The following PRLR variants were observed in gnomAD, a reference collection of about 807,000 sequenced individuals.
The protein encoded by PRLR is prolactin receptor, also known as hPRL receptor.
In PRLR, 13 loss-of-function variants were observed where a neutral mutation model predicts 40.2. The observed-to-expected ratio is 0.32, with a 90% CI of 0.21 to 0.51. PRLR has a LOEUF of 0.51. Among genes scored for constraint, PRLR ranks in the 20% least tolerant of loss-of-function variants. PRLR has a pLI of 0.97. For missense variants in PRLR, 656 were observed against 747.3 expected (o/e 0.88, Z 1.42); for synonymous variants, 269 against 278.7 (o/e 0.97, Z 0.35).
At position 35,071,812 on chromosome 5, in the gene PRLR, C is replaced by A. The variant is rs1257840485; in HGVS notation, c.543+763G>T. ...ACTGGGTTTTGCCATGTTGGTCAGGCTGGTCTCAAACTCCTGACCTCAAGT... is the reference window on the plus strand; with the variant it reads ...ACTGGGTTTTGCCATGTTGGTCAGGATGGTCTCAAACTCCTGACCTCAAGT... On this transcript the variant is annotated intron_variant, in intron 6 of 9. Coordinates refer to ENST00000618457, the MANE Select transcript of PRLR (RefSeq NM_000949.7). Among the ~76,000 whole-genome samples, 9 of 151,856 alleles carry A rather than the reference C, an allele frequency of 5.9e-5. 1 individual carries two copies. The highest frequency in any genetic ancestry group is 1.5e-4 in the African/African-American group (6 of 41,320).
chr5:35,076,043 C>T (rs1770070099), intron 5 of PRLR, among the ~76,000 whole-genome samples: 1 of 152,162 alleles, frequency 6.6e-6, no homozygotes, highest in Non-Finnish European at 1.5e-5. Context: ...CTGTACGTCA[C>T]CATCATCAAA....
At chr5:35,133,795 G>A (rs1773761721) in intron 1 of PRLR, among the ~76,000 whole-genome samples, 1 of 152,094 alleles carries the variant, frequency 6.6e-6, no homozygotes, top group African/African-American at 2.4e-5. Context: ...TCTGTTGGGA[G>A]CAAAAAAATG....
intron 5 of PRLR, among the ~76,000 whole-genome samples, chr5:35,077,002 T>A (rs1423451303): frequency 2.0e-5 from 3 of 152,168 alleles, no homozygotes; most frequent in Admixed American, 6.5e-5. Flanking sequence ...TGCTGAGAGA[T>A]TTTGTCACTA....
chr5:35,160,657 C>T (rs1337553903), intron 1 of PRLR, among the ~76,000 whole-genome samples: 1 of 152,142 alleles, frequency 6.6e-6, no homozygotes, highest in African/African-American at 2.4e-5. Flanking sequence ...TGCAGATTGG[C>T]CTTTTGAGAT....
intron 1 of PRLR, among the ~76,000 whole-genome samples, chr5:35,206,475 A>G (rs1325082292): frequency 6.6e-6 from 1 of 152,150 alleles, no homozygotes; most frequent in Non-Finnish European, 1.5e-5. Context: ...GAAGTCATAT[A>G]ATATAAAATA....
At chr5:35,051,171 G>T (rs547114247), downstream of PRLR, among the ~76,000 whole-genome samples, 2 of 152,210 alleles carry the variant, frequency 1.3e-5, no homozygotes, top group African/African-American at 4.8e-5. Flanking sequence ...GGGACACATG[G>T]ATTACCTTAG....
chr5:35,134,355 T>C (rs1773783723), intron 1 of PRLR, among the ~76,000 whole-genome samples: 1 of 147,680 alleles, frequency 6.8e-6, no homozygotes, highest in African/African-American at 2.5e-5. Flanking sequence ...GATCTGGCGC[T>C]GTGAAGATCA....
chr5:35,204,976 C>T (rs1775977151), intron 1 of PRLR, among the ~76,000 whole-genome samples: 1 of 152,090 alleles, frequency 6.6e-6, no homozygotes, highest in South Asian at 2.1e-4. Context: ...ACTTGGTTAT[C>T]TATTAAAGGA....
At chr5:35,229,105 T>TATATATATATTATATATATTTCTATA (rs1776626047) in intron 1 of PRLR, among the ~76,000 whole-genome samples, 3 of 147,888 alleles carry the variant, frequency 2.0e-5, no homozygotes, top group Non-Finnish European at 4.5e-5. Flanking sequence ...ATTAAACATT[T>TATATATATATTATATATATTTCTATA]ATATATATAT....
At chr5:35,210,872 G>A (rs1015769946) in intron 1 of PRLR, among the ~76,000 whole-genome samples, 16 of 152,042 alleles carry the variant, frequency 1.1e-4, no homozygotes, top group Non-Finnish European at 1.3e-4. Flanking sequence ...CACCATGCTC[G>A]TCTAATTTTT....
At chr5:35,101,730 T>C (rs1434409547) in intron 2 of PRLR, among the ~76,000 whole-genome samples, 1 of 148,472 alleles carries the variant, frequency 6.7e-6, no homozygotes, top group East Asian at 1.9e-4. Flanking sequence ...ATAAAACATA[T>C]ATAAAACATA....
intron 1 of PRLR, among the ~76,000 whole-genome samples, chr5:35,197,656 G>A (rs1004789759): frequency 2.6e-5 from 4 of 152,208 alleles, no homozygotes; most frequent in African/African-American, 4.8e-5. Flanking sequence ...GGAGGCTGAA[G>A]ATGACCCAAT....
Position 35,060,383 on chromosome 5 carries a change from C to T in PRLR, c.*4706G>A, listed in dbSNP as rs1233068525. On this transcript the variant is annotated 3_prime_UTR_variant, in exon 10 of 10. Coordinates refer to ENST00000618457, the MANE Select transcript of PRLR (RefSeq NM_000949.7). Reference sequence around the variant, plus strand: ...CAATCTGAGTTGGAGGAACAGATCTCTGTTTTTCTCTGAAGCGTTGTCACA... The same window carrying T: ...CAATCTGAGTTGGAGGAACAGATCTTTGTTTTTCTCTGAAGCGTTGTCACA... 6.6e-6 allele frequency: 1 copy of T among 152,198 alleles called. No homozygotes were observed. The highest frequency in any genetic ancestry group is 1.5e-5 in the Non-Finnish European group (1 of 68,042). The allele number at this position is 152,198 out of a possible 1,614,324, so 9.4% of individuals were successfully genotyped here. A position where few individuals can be genotyped will look rare whatever the true frequency, so the allele number is the denominator to read the frequency against.
At chr5:35,188,787 T>C (rs1579781516) in intron 1 of PRLR, among the ~76,000 whole-genome samples, 1 of 152,244 alleles carries the variant, frequency 6.6e-6, no homozygotes, top group Non-Finnish European at 1.5e-5. Context: ...TTTTTATTTA[T>C]ACCCAGCATA....
chr5:35,216,132 G>C (rs190316863), intron 1 of PRLR, among the ~76,000 whole-genome samples: 7 of 152,194 alleles, frequency 4.6e-5, no homozygotes, highest in Admixed American at 2.6e-4. Flanking sequence ...TATCAACAAG[G>C]CTTCTGGAAA....
intron 1 of PRLR, among the ~76,000 whole-genome samples, chr5:35,197,877 G>A (rs1335525012): frequency 2.0e-5 from 3 of 152,224 alleles, no homozygotes; most frequent in Non-Finnish European, 4.4e-5. Context: ...GCATGCCTTG[G>A]ACATGCAATT....
intron 6 of PRLR, among the ~76,000 whole-genome samples, chr5:35,072,269 C>T (rs775065205): frequency 1.3e-5 from 2 of 152,142 alleles, no homozygotes; most frequent in Non-Finnish European, 2.9e-5. Context: ...AGACTGCCCC[C>T]TCCCACCTTG....
chr5:35,116,147 G>T (rs902668602), intron 2 of PRLR, among the ~76,000 whole-genome samples: 11 of 152,104 alleles, frequency 7.2e-5, no homozygotes, highest in African/African-American at 2.4e-4. Flanking sequence ...GGTCAGGGAA[G>T]ATCAATCAGA....
downstream of PRLR, among the ~76,000 whole-genome samples, chr5:35,051,697 GAAAAAT>G (rs1473363915): frequency 6.6e-6 from 1 of 152,110 alleles, no homozygotes; most frequent in African/African-American, 2.4e-5. Flanking sequence ...AATTGCAAAA[GAAAAAT>G]GAAGGAAGGG....
Sources: gnomAD v4.1 joint callset for allele counts (sites outside exome capture counted in the v4.1 genomes callset) on GRCh38, gnomAD v4.1.1 for gene constraint, MANE v1.5 for transcripts, NCBI Gene and HGNC (gene_info 2026-07-23, HGNC 2026-07-21) for gene names.